The following STK32B variants were observed in gnomAD, a reference collection of about 807,000 sequenced individuals.
STK32B encodes the protein serine/threonine-protein kinase 32B.
Under a neutral mutation model 52.6 loss-of-function variants are expected in STK32B, and 43 were observed. The observed-to-expected ratio is 0.82, with a 90% CI of 0.64 to 1.05. STK32B has a LOEUF of 1.05. STK32B is among the 50% of genes least tolerant of loss of function. STK32B has a pLI of 0.00. For synonymous variants in STK32B, 238 were observed against 204.3 expected (o/e 1.17, Z -1.41); for missense variants, 621 against 534.6 (o/e 1.16, Z -1.59).
At position 5,129,910 on chromosome 4, in the gene STK32B, G is replaced by A. The variant is rs536725757; in HGVS notation, c.53-9995G>A. ...TTTATTCAGTAAATATTTATTGAGT[G>A]CCTATTATATGCCAGGCACTGTTCT... is the stretch of plus-strand genomic sequence containing the variant. On this transcript the variant is annotated intron_variant, in intron 1 of 11. Transcript: ENST00000282908. Among the ~76,000 whole-genome samples, 8 of 152,158 alleles carry A rather than the reference G, an allele frequency of 5.3e-5. No individual in the cohort carries two copies. The South Asian group carries it at 1.5e-3, about 28-fold the overall frequency.
chr4:5,316,677 A>AATAT (rs1553870995), intron 3 of STK32B, among the ~76,000 whole-genome samples: 8 of 1,960 alleles, frequency 4.1e-3, no homozygotes, highest in South Asian at 0.067. Flanking sequence ...TTATATATAT[A>AATAT]ATATAATATA....
At chr4:5,343,412 C>T (rs527384882) in intron 4 of STK32B, among the ~76,000 whole-genome samples, 38 of 152,206 alleles carry the variant, frequency 2.5e-4, no homozygotes, top group African/African-American at 8.9e-4. Flanking sequence ...AGTAAACATA[C>T]GTATGCATGT....
Position 5,386,988 on chromosome 4 carries a change from G to C in STK32B, c.435-11219G>C, listed in dbSNP as rs550638378. ...TCACAGGCCCAGCCACTTGGAGCCCGCTGGGAAGGCTGGATCCAGGAGGAA... is the reference window on the plus strand; with the variant it reads ...TCACAGGCCCAGCCACTTGGAGCCCCCTGGGAAGGCTGGATCCAGGAGGAA... On this transcript the variant is annotated intron_variant, in intron 4 of 11. Coordinates refer to ENST00000282908, the MANE Select transcript of STK32B (RefSeq NM_018401.3). The surrounding 1 kb of genome is among the most constrained non-coding windows in gnomAD (Gnocchi z 4.5). Among the ~76,000 whole-genome samples the C allele has an allele frequency of 6.6e-6, 1 of 152,332 alleles. No homozygotes were observed. Among genetic ancestry groups the C allele is most frequent in the African/African-American group, 2.4e-5 (1 of 41,578 alleles).
At chr4:5,275,192 C>T (rs1727732759) in intron 3 of STK32B, among the ~76,000 whole-genome samples, 1 of 152,116 alleles carries the variant, frequency 6.6e-6, no homozygotes. Context: ...GCAAGGACCC[C>T]CCCAGTTAAC....
chr4:5,166,724 C>T (rs1407092286), intron 2 of STK32B, among the ~76,000 whole-genome samples: 1 of 151,844 alleles, frequency 6.6e-6, no homozygotes, highest in East Asian at 1.9e-4. Flanking sequence ...TCCCAGCCCT[C>T]AGAACTATGA....
At chr4:5,446,603 C>A (rs543106128) in intron 6 of STK32B, 70 bp from the exon 7 acceptor site, 3 of 1,269,140 alleles carry the variant, frequency 2.4e-6, no homozygotes, top group Non-Finnish European at 3.4e-6. Flanking sequence ...CTCTCCTTGT[C>A]CCCTCTCTAA....
At position 5,500,320 on chromosome 4, in the gene STK32B, G is replaced by A. The variant is rs1162919506; in HGVS notation, c.*1237G>A. Reference sequence around the variant, plus strand: ...ACTAATATTGCAGGGGAGTTACAGGGTTAAATAAGATCCTGTGTGTAACCC... The same window carrying A: ...ACTAATATTGCAGGGGAGTTACAGGATTAAATAAGATCCTGTGTGTAACCC... On this transcript the variant is annotated 3_prime_UTR_variant, in exon 12 of 12. Coordinates refer to ENST00000282908, the MANE Select transcript of STK32B (RefSeq NM_018401.3). The A allele has an allele frequency of 1.3e-5, 2 of 152,180 alleles. No individual in the cohort carries two copies. The highest frequency in any genetic ancestry group is 4.8e-5 in the African/African-American group (2 of 41,434). 9.4% of individuals were successfully genotyped at this position (152,180 alleles called of 1,614,324 possible). A position where few individuals can be genotyped will look rare whatever the true frequency, so the allele number is the denominator to read the frequency against.
intron 3 of STK32B, among the ~76,000 whole-genome samples, chr4:5,322,355 A>C (rs780159913): frequency 6.6e-6 from 1 of 152,126 alleles, no homozygotes; most frequent in African/African-American, 2.4e-5. Context: ...TACATTTTTA[A>C]GAATCGCTAG....
intron 4 of STK32B, among the ~76,000 whole-genome samples, chr4:5,375,381 G>A (rs1735522945): frequency 6.6e-6 from 1 of 151,994 alleles, no homozygotes; most frequent in Non-Finnish European, 1.5e-5. Flanking sequence ...CCAATAATTT[G>A]GATAGTAGAC....
At chr4:5,289,282 G>A (rs537944411) in intron 3 of STK32B, among the ~76,000 whole-genome samples, 11 of 152,258 alleles carry the variant, frequency 7.2e-5, no homozygotes, top group African/African-American at 2.6e-4. Flanking sequence ...TGGCACACCT[G>A]TATAAGTTAC....
intron 3 of STK32B, among the ~76,000 whole-genome samples, chr4:5,288,468 A>T (rs1417480022): frequency 6.6e-6 from 1 of 152,104 alleles, no homozygotes; most frequent in Admixed American, 6.6e-5. Flanking sequence ...GTTTCGTGTT[A>T]AATGTCCCTG....
chr4:5,332,651 T>G (rs531031939), intron 4 of STK32B, among the ~76,000 whole-genome samples: 102 of 152,188 alleles, frequency 6.7e-4, no homozygotes, highest in Middle Eastern at 3.4e-3. Flanking sequence ...CCCCGCTGCC[T>G]CCACCCCACA....
chr4:5,333,143 C>T (rs1434199596), intron 4 of STK32B, among the ~76,000 whole-genome samples: 2 of 152,022 alleles, frequency 1.3e-5, no homozygotes, highest in Non-Finnish European at 2.9e-5. Flanking sequence ...TTCTCCACAT[C>T]CTCTCCAGCA....
chr4:5,460,246 C>CT lies in STK32B; in HGVS notation c.909+19dup. 6.2e-7 allele frequency: 1 copy of CT among 1,601,632 alleles called. No individual in the cohort carries two copies. The highest frequency in any genetic ancestry group is 8.5e-7 in the Non-Finnish European group (1 of 1,173,584). On this transcript the variant is annotated intron_variant, in intron 9 of 11. Coordinates refer to ENST00000282908, the MANE Select transcript of STK32B (RefSeq NM_018401.3). The surrounding 1 kb of genome is among the most constrained non-coding windows in gnomAD (Gnocchi z 4.8). ...TGCCCAATGTGAGTGGAAGTCCCACCTGATGTCATGCCACCCCTCTGCAGG... is the reference window on the plus strand; with the variant it reads ...TGCCCAATGTGAGTGGAAGTCCCACCTTGATGTCATGCCACCCCTCTGCAGG...
intron 3 of STK32B, among the ~76,000 whole-genome samples, chr4:5,189,314 C>A (rs373747781): frequency 2.6e-5 from 4 of 152,198 alleles, no homozygotes; most frequent in Non-Finnish European, 5.9e-5. Flanking sequence ...ACTGATTCAT[C>A]CCTCGTTCCC....
chr4:5,246,351 C>G (rs1725450488), intron 3 of STK32B, among the ~76,000 whole-genome samples: 1 of 152,182 alleles, frequency 6.6e-6, no homozygotes, highest in South Asian at 2.1e-4. Context: ...ACCCTTTCTT[C>G]CAGTTGATCG....
intron 3 of STK32B, among the ~76,000 whole-genome samples, chr4:5,235,166 C>T (rs13123017): frequency 0.67 from 101,951 of 152,264 alleles, 40,444 homozygotes; most frequent in Non-Finnish European, 0.9. Context: ...AGCTTAATGT[C>T]TACAAACTTC....
intron 1 of STK32B, among the ~76,000 whole-genome samples, chr4:5,088,027 A>G (rs1181065795): frequency 2.0e-5 from 3 of 152,120 alleles, no homozygotes; most frequent in East Asian, 3.8e-4. Context: ...ATTTTCCAAG[A>G]TAGACCAAAT....
rs370366514 is a variant in STK32B, at chr4:5,185,624, C to T, written c.260+17174C>T. On this transcript the variant is annotated intron_variant, in intron 3 of 11. Transcript: ENST00000282908. The stretch of plus-strand genomic sequence containing the variant: ...CAGCCTTATAAACAATTGCTAGATG[C>T]TGAGCAGTGTCATTTCCACAGAAGC... Among the ~76,000 whole-genome samples, 13 of 152,302 alleles carry T rather than the reference C, an allele frequency of 8.5e-5. No homozygotes were observed. The East Asian group carries it at 2.5e-3, about 29-fold the overall frequency.
Sources: gnomAD v4.1 joint callset for allele counts (sites outside exome capture counted in the v4.1 genomes callset) on GRCh38, gnomAD v4.1.1 for gene constraint, Gnocchi (gnomAD v3.1) non-coding constraint, MANE v1.5 for transcripts, NCBI Gene and HGNC (gene_info 2026-07-23, HGNC 2026-07-21) for gene names.